SLC7A2: variants seen among roughly 807,000 people sequenced by gnomAD.
The protein encoded by SLC7A2 is cationic amino acid transporter 2.
Under a neutral mutation model 58.9 loss-of-function variants are expected in SLC7A2, and 48 were observed. The observed-to-expected ratio is 0.82, with a 90% CI of 0.65 to 1.04. The LOEUF (loss-of-function observed/expected upper bound fraction) is 1.04, where lower values mean the gene tolerates loss of function less well. Among genes scored for constraint, SLC7A2 ranks in the 50% least tolerant of loss-of-function variants. SLC7A2 has a pLI of 0.00. For synonymous variants in SLC7A2, 363 were observed against 314.5 expected, an observed-to-expected ratio of 1.15 and a Z score of -1.63; for missense variants, 1,029 against 818.8, an observed-to-expected ratio of 1.26 and a Z score of -3.13.
At chr8:17,498,858 TG>T (rs1375315536) in intron 1 of SLC7A2, 1 of 152,222 alleles carries the variant, frequency 6.6e-6, no homozygotes, top group East Asian at 1.9e-4. Flanking sequence ...CTTAGGAGCC[TG>T]GGAAGGCGAA....
In SLC7A2 at chr8:17,551,983, CA is replaced by C; in HGVS notation, c.1054del (p.Ser352ValfsTer12). 1 of 1,613,760 alleles carries C rather than the reference CA, an allele frequency of 6.2e-7. No individual in the cohort carries two copies. The highest frequency in any genetic ancestry group is 8.5e-7 in the Non-Finnish European group (1 of 1,179,700). ...VAAGSLCALS[T>X]SLLGSIFPMP... ...GCTGGTTCTCTCTGCGCCTTGTCAA[CA>C]AGGTACATTGCATCGCCTTTGGGGC... On this transcript the variant is annotated frameshift_variant and splice_region_variant, in exon 7 of 13. Transcript: ENST00000494857. LOFTEE classifies it high-confidence loss of function.
chr8:17,533,745 A>G (rs1386856775), intron 2 of SLC7A2, among the ~76,000 whole-genome samples: 2 of 152,210 alleles, frequency 1.3e-5, no homozygotes, highest in Admixed American at 1.3e-4. Context: ...AGTGAAGGTC[A>G]CTTCCCAAGC....
intron 2 of SLC7A2, among the ~76,000 whole-genome samples, chr8:17,538,024 A>G (rs114744157): frequency 2.0e-3 from 297 of 152,264 alleles, no homozygotes; most frequent in African/African-American, 7.0e-3. Flanking sequence ...ATGGAGTCAC[A>G]TGTTTGGAAG....
chr8:17,550,522 AG>A (rs1184008114), intron 6 of SLC7A2, 88 bp downstream of exon 6: 1 of 1,306,364 alleles, frequency 7.7e-7, no homozygotes, highest in Non-Finnish European at 1.0e-6. Context: ...TCCAGGAAAG[AG>A]AGAGGGATTT....
At position 17,554,548 on chromosome 8, in the gene SLC7A2, CT is replaced by C; in HGVS notation, c.1056-7del. 6.3e-7 allele frequency: 1 copy of C among 1,580,548 alleles called. No individual in the cohort carries two copies. The highest frequency in any genetic ancestry group is 2.3e-5 in the East Asian group (1 of 43,682). On this transcript the variant is annotated splice_polypyrimidine_tract_variant and intron_variant, in intron 7 of 12. Coordinates refer to ENST00000494857, the MANE Select transcript of SLC7A2 (RefSeq NM_001370338.1). ...ATGTTTGCCATACTGCATGTGTTTG[CT>C]TTTTATTCAGTCTTCTTGGATCCAT... is the stretch of plus-strand genomic sequence containing the variant.
chr8:17,543,363 G>A lies in SLC7A2; in HGVS notation c.24G>A (p.Leu8=). MIPCRAA[L]TFARCLIRRK... ...GAATGATTCCTTGCAGAGCCGCGCT[G>A]ACCTTTGCCCGATGTCTGATCCGGA... The change falls in exon 3 of 13, where the codon CTG becomes CTA. Residue 8 remains leucine, a synonymous_variant. Transcript: ENST00000494857. The A allele has an allele frequency of 2.5e-6, 4 of 1,614,000 alleles. No homozygotes were observed. Among genetic ancestry groups the A allele is most frequent in the Non-Finnish European group, 3.4e-6 (4 of 1,179,956 alleles).
chr8:17,521,566 C>T (rs1014572721), intron 2 of SLC7A2, among the ~76,000 whole-genome samples: 1 of 152,250 alleles, frequency 6.6e-6, no homozygotes, highest in African/African-American at 2.4e-5. Flanking sequence ...CTGGATCAGA[C>T]CACCCAGTGA....
chr8:17,521,056 T>A (rs975850451), intron 2 of SLC7A2, among the ~76,000 whole-genome samples: 7 of 152,180 alleles, frequency 4.6e-5, no homozygotes, highest in Admixed American at 4.6e-4. Flanking sequence ...TAGTTACTCT[T>A]GCTGATTTGT....
chr8:17,549,366 C>G (rs1452725369), intron 5 of SLC7A2, among the ~76,000 whole-genome samples: 1 of 152,200 alleles, frequency 6.6e-6, no homozygotes, highest in Non-Finnish European at 1.5e-5. Context: ...TCCCAGATTC[C>G]CTTCAAACTT....
intron 2 of SLC7A2, among the ~76,000 whole-genome samples, chr8:17,502,909 T>G (rs1451958150): frequency 6.6e-6 from 1 of 151,998 alleles, no homozygotes; most frequent in Non-Finnish European, 1.5e-5. Flanking sequence ...GGGTGCATGT[T>G]CATTATATTA....
intron 2 of SLC7A2, among the ~76,000 whole-genome samples, chr8:17,527,461 C>T (rs1303468988): frequency 1.3e-5 from 2 of 152,090 alleles, no homozygotes; most frequent in Non-Finnish European, 2.9e-5. Flanking sequence ...ATATTAATTT[C>T]GTAGGGTTGC....
chr8:17,544,376 C>G, intron 3 of SLC7A2, 75 bp from the exon 4 acceptor site: 1 of 1,305,806 alleles, frequency 7.7e-7, no homozygotes, highest in South Asian at 1.3e-5. Context: ...CATGTTTATC[C>G]TATAATAGAG....
At chr8:17,511,334 T>C (rs746890281) in intron 2 of SLC7A2, 1 of 152,154 alleles carries the variant, frequency 6.6e-6, no homozygotes, top group African/African-American at 2.4e-5. Context: ...TCCTGCAGCG[T>C]TGATGTTTCC....
upstream of SLC7A2, among the ~76,000 whole-genome samples, chr8:17,495,142 C>A (rs1200496261): frequency 6.6e-6 from 1 of 151,850 alleles, no homozygotes; most frequent in African/African-American, 2.4e-5. Flanking sequence ...TTTATTTTTT[C>A]TTTCTTTATT....
chr8:17,494,267 G>T (rs1161205930), upstream of SLC7A2, among the ~76,000 whole-genome samples: 2 of 152,106 alleles, frequency 1.3e-5, no homozygotes, highest in African/African-American at 4.8e-5. Flanking sequence ...GGGAGTACAG[G>T]GTGTGGAATT....
chr8:17,529,250 C>A (rs758794822), intron 2 of SLC7A2, among the ~76,000 whole-genome samples: 2 of 152,182 alleles, frequency 1.3e-5, no homozygotes, highest in Non-Finnish European at 2.9e-5. Context: ...CTTAACCACA[C>A]GTCTTGTGTA....
intron 4 of SLC7A2, among the ~76,000 whole-genome samples, chr8:17,547,057 G>T (rs1295001765): frequency 6.6e-6 from 1 of 152,068 alleles, no homozygotes. Context: ...ATGGCAGGTA[G>T]AGAGCTTATG....
chr8:17,532,768 T>A (rs145309233), intron 2 of SLC7A2, among the ~76,000 whole-genome samples: 1 of 152,156 alleles, frequency 6.6e-6, no homozygotes, highest in African/African-American at 2.4e-5. Context: ...AAGAATATAA[T>A]TCATAAAAAT....
At chr8:17,539,291 A>G (rs1801807647) in intron 2 of SLC7A2, among the ~76,000 whole-genome samples, 1 of 152,180 alleles carries the variant, frequency 6.6e-6, no homozygotes. Context: ...ATCAAGGAAT[A>G]AGGTGCGTAG....
Sources: gnomAD v4.1 joint callset for allele counts (sites outside exome capture counted in the v4.1 genomes callset) on GRCh38, gnomAD v4.1.1 for gene constraint, MANE v1.5 for transcripts, NCBI Gene and HGNC (gene_info 2026-07-23, HGNC 2026-07-21) for gene names.